Variants in DCAF6 observed in about 807,000 individuals in gnomAD.
DCAF6 encodes DDB1 and CUL4 associated factor 6.
Under a neutral mutation model 125.1 loss-of-function variants are expected in DCAF6, and 54 were observed. That is an observed-to-expected ratio of 0.43 (90% CI 0.35 to 0.54). The LOEUF is 0.54. Ranked by LOEUF, DCAF6 falls within the 20% of genes least tolerant of loss-of-function variation. The pLI, the probability that DCAF6 is intolerant of heterozygous loss-of-function variation, is 0.01. For synonymous variants in DCAF6, 371 were observed against 390.4 expected (o/e 0.95, Z 0.58); for missense variants, 934 against 1,161.7 (o/e 0.80, Z 2.85).
intron 2 of DCAF6, among the ~76,000 whole-genome samples, chr1:167,965,899 T>C (rs1208730037): frequency 6.6e-6 from 1 of 152,116 alleles, no homozygotes; most frequent in Admixed American, 6.5e-5. Flanking sequence ...CCTCCCAAAG[T>C]GCTGGGATTA....
In DCAF6 at chr1:168,045,231, G is replaced by T; in HGVS notation, c.2258+4G>T. 1 of 1,579,700 alleles carries T rather than the reference G, an allele frequency of 6.3e-7. No individual in the cohort carries two copies. On this transcript the variant is annotated splice_donor_region_variant and intron_variant, in intron 16 of 21. Transcript: ENST00000367840. The stretch of plus-strand genomic sequence containing the variant: ...ATCGAGCAGGACCTGGTGATAGGTT[G>T]GTAAATTTTTAATTAACATGAACTG...
intron 1 of DCAF6, among the ~76,000 whole-genome samples, chr1:167,939,943 T>C (rs934573685): frequency 3.3e-5 from 5 of 152,222 alleles, no homozygotes; most frequent in African/African-American, 4.8e-5. Context: ...TGATACATTT[T>C]CATTATTTGT....
chr1:167,882,048 T>C, the DCAF6 span, among the ~76,000 whole-genome samples: 1 of 152,238 alleles, frequency 6.6e-6, no homozygotes, highest in Non-Finnish European at 1.5e-5. Context: ...TAAATGCTTG[T>C]TGAATTAGTG....
chr1:167,876,183 A>C, the DCAF6 span, among the ~76,000 whole-genome samples: 5 of 151,478 alleles, frequency 3.3e-5, no homozygotes, highest in African/African-American at 1.2e-4. Flanking sequence ...CTTGAACCCA[A>C]GAGACAGAGG....
At chr1:168,069,291 A>C (rs1413296016) in intron 21 of DCAF6, among the ~76,000 whole-genome samples, 2 of 152,182 alleles carry the variant, frequency 1.3e-5, no homozygotes, top group African/African-American at 2.4e-5. Context: ...AATATATTCA[A>C]ATCATTCATA....
intron 4 of DCAF6, among the ~76,000 whole-genome samples, chr1:167,979,521 C>T (rs1678779171): frequency 6.6e-6 from 1 of 152,282 alleles, no homozygotes; most frequent in South Asian, 2.1e-4. Flanking sequence ...CATATTGTAG[C>T]ATATGTCAGA....
chr1:167,901,828 G>A, the DCAF6 span: 2 of 1,614,122 alleles, frequency 1.2e-6, no homozygotes, highest in Non-Finnish European at 1.7e-6. Flanking sequence ...ACATGCCGCG[G>A]GCTTTTGACC....
chr1:167,935,633 T>C (rs1314790244), upstream of DCAF6: 10 of 914,972 alleles, frequency 1.1e-5, no homozygotes, highest in East Asian at 2.7e-5. Flanking sequence ...ATTGGGGCTG[T>C]GGATGCCTCT....
intron 12 of DCAF6, among the ~76,000 whole-genome samples, chr1:168,033,401 C>T (rs951334471): frequency 6.6e-6 from 1 of 151,330 alleles, no homozygotes; most frequent in East Asian, 1.9e-4. Flanking sequence ...CTGCAAGCTC[C>T]GCCTCCCGGG....
At chr1:168,021,460 T>A (rs1347667501) in intron 11 of DCAF6, among the ~76,000 whole-genome samples, 3 of 152,142 alleles carry the variant, frequency 2.0e-5, no homozygotes, top group Non-Finnish European at 4.4e-5. Flanking sequence ...ACAACATAGA[T>A]GGTAGTGTTG....
At chr1:168,066,907 A>G (rs1356890452) in intron 20 of DCAF6, among the ~76,000 whole-genome samples, 5 of 152,184 alleles carry the variant, frequency 3.3e-5, no homozygotes, top group Admixed American at 6.5e-5. Flanking sequence ...CAGGATTAGT[A>G]TATAGCAGAA....
the DCAF6 span, chr1:167,901,734 A>G: frequency 3.7e-6 from 6 of 1,614,180 alleles, no homozygotes; most frequent in Non-Finnish European, 5.1e-6. Flanking sequence ...TCCAGGCTAC[A>G]TTTAATTACC....
chr1:168,036,667 A>T (rs1009602785), intron 12 of DCAF6, among the ~76,000 whole-genome samples: 1 of 152,202 alleles, frequency 6.6e-6, no homozygotes, highest in Non-Finnish European at 1.5e-5. Flanking sequence ...AGGGTCAAGG[A>T]TAGGGCAGAT....
chr1:167,955,014 T>C (rs1309611626), intron 2 of DCAF6, among the ~76,000 whole-genome samples: 1 of 152,238 alleles, frequency 6.6e-6, no homozygotes, highest in Non-Finnish European at 1.5e-5. Flanking sequence ...AACGGAATCA[T>C]TGACTATGTA....
intron 16 of DCAF6, among the ~76,000 whole-genome samples, chr1:168,048,109 G>T (rs1027178452): frequency 1.3e-5 from 2 of 152,042 alleles, no homozygotes; most frequent in African/African-American, 4.8e-5. Flanking sequence ...CTATGATTTT[G>T]GAGAGTTTCT....
At chr1:167,961,318 A>G (rs933073249) in intron 2 of DCAF6, among the ~76,000 whole-genome samples, 5 of 151,836 alleles carry the variant, frequency 3.3e-5, no homozygotes, top group Admixed American at 6.6e-5. Context: ...TCTCGGCTCA[A>G]TGCAAGCTCC....
intron 21 of DCAF6, among the ~76,000 whole-genome samples, chr1:168,073,126 A>G (rs1572195637): frequency 6.6e-6 from 1 of 152,148 alleles, no homozygotes; most frequent in African/African-American, 2.4e-5. Flanking sequence ...CAGTGAGCCA[A>G]GATCGCGCCA....
chr1:168,031,039 C>G (rs1295757232), intron 12 of DCAF6, among the ~76,000 whole-genome samples: 1 of 151,908 alleles, frequency 6.6e-6, no homozygotes, highest in East Asian at 1.9e-4. Flanking sequence ...TATGAGATAC[C>G]CAAGTTGAAA....
the DCAF6 span, chr1:167,870,559 G>A: frequency 6.5e-5 from 43 of 657,072 alleles, no homozygotes; most frequent in African/African-American, 1.3e-4. Flanking sequence ...TTGGGAGGCC[G>A]AGGTGGGCGG....
Sources: gnomAD v4.1 joint callset for allele counts (sites outside exome capture counted in the v4.1 genomes callset) on GRCh38, gnomAD v4.1.1 for gene constraint, MANE v1.5 for transcripts, NCBI Gene and HGNC (gene_info 2026-07-23, HGNC 2026-07-21) for gene names.